CSMD3: variants seen among roughly 807,000 people sequenced by gnomAD.
CSMD3 encodes CUB and Sushi multiple domains 3, also known as CUB and sushi domain-containing protein 3.
CSMD3 carries 177 observed loss-of-function variants against 435.2 expected under a neutral mutation model. The observed-to-expected ratio is 0.41, with a 90% CI of 0.36 to 0.46. The LOEUF (loss-of-function observed/expected upper bound fraction) is 0.46. Among genes scored for constraint, CSMD3 ranks in the 20% least tolerant of loss-of-function variants. CSMD3 has a pLI of 0.34. For synonymous variants in CSMD3, 1,656 were observed against 1,520.5 expected (o/e 1.09, Z -2.07); for missense variants, 4,265 against 4,504.6 (o/e 0.95, Z 1.52).
intron 13 of CSMD3, among the ~76,000 whole-genome samples, chr8:112,693,637 T>G (rs945653356): frequency 6.6e-6 from 1 of 151,992 alleles, no homozygotes; most frequent in African/African-American, 2.4e-5. Context: ...TTAAATCTAT[T>G]TTTTCTACTA....
chr8:113,203,207 G>A (rs756601149), intron 3 of CSMD3, among the ~76,000 whole-genome samples: 1 of 152,052 alleles, frequency 6.6e-6, no homozygotes, highest in African/African-American at 2.4e-5. Context: ...TGAATTATAT[G>A]TATTGAAACA....
chr8:113,157,437 C>T (rs955771939), intron 4 of CSMD3, among the ~76,000 whole-genome samples: 2 of 133,126 alleles, frequency 1.5e-5, no homozygotes, highest in African/African-American at 2.5e-5. Context: ...ATAACAGTCT[C>T]CTTTTTCTTT....
At chr8:112,811,947 C>T (rs189909059) in intron 12 of CSMD3, among the ~76,000 whole-genome samples, 2 of 152,110 alleles carry the variant, frequency 1.3e-5, no homozygotes, top group Non-Finnish European at 2.9e-5. Context: ...GTAAAGGATG[C>T]TGTGGGCTAC....
chr8:112,981,566 A>G (rs1397703771), intron 6 of CSMD3, among the ~76,000 whole-genome samples: 1 of 151,654 alleles, frequency 6.6e-6, no homozygotes, highest in Admixed American at 6.6e-5. Flanking sequence ...AATAATATGC[A>G]AAATGAATGA....
At chr8:112,960,954 A>C (rs957308636) in intron 7 of CSMD3, among the ~76,000 whole-genome samples, 18 of 151,866 alleles carry the variant, frequency 1.2e-4, no homozygotes, top group African/African-American at 4.3e-4. Flanking sequence ...ATTATGCCAC[A>C]ATGCTCATTT....
intron 22 of CSMD3, among the ~76,000 whole-genome samples, chr8:112,620,177 C>T (rs568302236): frequency 6.6e-5 from 10 of 152,094 alleles, no homozygotes; most frequent in Non-Finnish European, 1.0e-4. Context: ...GAAAAAAATA[C>T]TAAAGAATTA....
At chr8:112,664,431 G>A (rs1216885212) in intron 17 of CSMD3, among the ~76,000 whole-genome samples, 1 of 152,074 alleles carries the variant, frequency 6.6e-6, no homozygotes, top group Non-Finnish European at 1.5e-5. Flanking sequence ...TAACTAAGAT[G>A]TTTTTCAAGC....
At chr8:112,720,346 A>T (rs35974707) in intron 13 of CSMD3, among the ~76,000 whole-genome samples, 23,616 of 151,464 alleles carry the variant, frequency 0.16, 2,104 homozygotes, top group Middle Eastern at 0.32. Context: ...CCCTGCTTTC[A>T]ACTGATCCTT....
chr8:112,747,403 A>G (rs1263491476), intron 13 of CSMD3, among the ~76,000 whole-genome samples: 1 of 151,786 alleles, frequency 6.6e-6, no homozygotes, highest in Admixed American at 6.6e-5. Context: ...CTGTAAAAGG[A>G]AAGAAGTGAG....
intron 7 of CSMD3, among the ~76,000 whole-genome samples, chr8:112,960,243 T>C (rs1036466346): frequency 1.3e-5 from 2 of 151,640 alleles, no homozygotes; most frequent in Admixed American, 6.6e-5. Context: ...AACATACTTA[T>C]CACAGAGGCT....
chr8:112,228,873 C>G lies in CSMD3; in HGVS notation c.10847G>C (p.Gly3616Ala), dbSNP rs781097543. The change falls in exon 70 of 71, where the codon GGT becomes GCT. Residue 3616 changes from glycine to alanine, a missense_variant. Transcript: ENST00000297405. ...ATGAGGTTGATTTGAAGAATTTGAA[C>G]CTTCTGACATATTCAGTCCTACAAA... ...LQRLGLNMSE[G>A]SNSSNQPHGT... 15 of 1,549,276 alleles carry G rather than the reference C, an allele frequency of 9.7e-6. No individual in the cohort carries two copies. The South Asian group carries it at 1.7e-4, about 17-fold the overall frequency.
chr8:112,688,418 C>T (rs971541421), intron 14 of CSMD3, among the ~76,000 whole-genome samples: 2 of 152,126 alleles, frequency 1.3e-5, no homozygotes, highest in African/African-American at 2.4e-5. Context: ...CTTGTATCTA[C>T]TCCTGCCTGT....
chr8:112,975,681 T>C (rs1280424016), intron 7 of CSMD3, among the ~76,000 whole-genome samples, 156 bp downstream of exon 7: 2 of 152,164 alleles, frequency 1.3e-5, no homozygotes, highest in African/African-American at 4.8e-5. Flanking sequence ...TTATTCCAGT[T>C]TTGGTTGTTA....
At chr8:112,777,618 C>T (rs764909431) in intron 13 of CSMD3, among the ~76,000 whole-genome samples, 1 of 151,744 alleles carries the variant, frequency 6.6e-6, no homozygotes, top group Non-Finnish European at 1.5e-5. Flanking sequence ...TTTGAAAATG[C>T]CATGACTTGG....
chr8:113,376,573 T>C (rs561272963), intron 1 of CSMD3: 6 of 688,540 alleles, frequency 8.7e-6, no homozygotes, highest in Admixed American at 2.7e-5. Context: ...AATAAACTAA[T>C]ATATAAAAAA....
At position 112,472,772 on chromosome 8, in the gene CSMD3, T is replaced by A. The variant is rs2130755749; in HGVS notation, c.5279-65A>T. On this transcript the variant is annotated intron_variant, in intron 31 of 70. Coordinates refer to ENST00000297405, the MANE Select transcript of CSMD3 (RefSeq NM_198123.2). The stretch of plus-strand genomic sequence containing the variant: ...TTTTAAAAAATTCATACCATGGTTA[T>A]CTTCTTCATATAAAAAATATATGGC... 7 of 842,570 alleles carry A rather than the reference T, an allele frequency of 8.3e-6. No individual in the cohort carries two copies. The South Asian group carries it at 9.4e-5, about 11-fold the overall frequency. 52.2% of individuals were successfully genotyped at this position (842,570 alleles called of 1,614,324 possible).
intron 29 of CSMD3, among the ~76,000 whole-genome samples, chr8:112,506,427 T>C (rs1301823599): frequency 6.6e-6 from 1 of 152,096 alleles, no homozygotes; most frequent in Non-Finnish European, 1.5e-5. Flanking sequence ...ACACTTCCAA[T>C]GAAATCTTCA....
At chr8:112,276,654 G>A (rs1469415562) in intron 59 of CSMD3, among the ~76,000 whole-genome samples, 3 of 152,098 alleles carry the variant, frequency 2.0e-5, no homozygotes, top group Admixed American at 6.6e-5. Context: ...GGCTAAAGGG[G>A]TCAAGGTACA....
intron 3 of CSMD3, among the ~76,000 whole-genome samples, chr8:113,180,999 GACA>G (rs2092414490): frequency 6.6e-6 from 1 of 152,004 alleles, no homozygotes; most frequent in Admixed American, 6.6e-5. Context: ...TAATCAAAAG[GACA>G]ACTATTATAT....
Sources: allele counts gnomAD v4.1 joint callset (sites outside exome capture counted in the v4.1 genomes callset), GRCh38; gene constraint gnomAD v4.1.1; transcripts MANE v1.5; gene names NCBI Gene and HGNC (gene_info 2026-07-23, HGNC 2026-07-21).